Variants in COL12A1 observed in about 807,000 individuals in gnomAD.
COL12A1 encodes the protein collagen alpha-1(XII) chain.
A neutral mutation model predicts 349.7 loss-of-function variants in COL12A1; 114 were observed. The observed-to-expected ratio is 0.33, with a 90% confidence interval of 0.28 to 0.38. The LOEUF is 0.38. Ranked by LOEUF, COL12A1 falls within the 10% of genes least tolerant of loss-of-function variation. The pLI is 1.00. For missense variants in COL12A1, 3,284 were observed against 3,756.9 expected (o/e 0.87, Z 3.29); for synonymous variants, 1,369 against 1,329.0 (o/e 1.03, Z -0.66).
intron 13 of COL12A1, among the ~76,000 whole-genome samples, chr6:75,174,815 A>G (rs1379396972): frequency 1.3e-5 from 2 of 152,170 alleles, no homozygotes; most frequent in African/African-American, 4.8e-5. Flanking sequence ...TTATGCATCC[A>G]GCTCCCCAAG....
At chr6:75,203,658 T>C (rs1488501283) in intron 1 of COL12A1, among the ~76,000 whole-genome samples, 2 of 152,258 alleles carry the variant, frequency 1.3e-5, no homozygotes, top group African/African-American at 2.4e-5. Flanking sequence ...AATTACATTA[T>C]GAATTCCTTA....
chr6:75,105,968 T>C (rs1472547560), intron 53 of COL12A1, among the ~76,000 whole-genome samples: 3 of 152,118 alleles, frequency 2.0e-5, no homozygotes, highest in Non-Finnish European at 2.9e-5. Flanking sequence ...AAGCTTCAAA[T>C]CCATCACCAA....
Position 75,146,325 on chromosome 6 carries a change from T to C in COL12A1, c.4418-81A>G, listed in dbSNP as rs1582129527. 3.5e-6 allele frequency: 5 copies of C among 1,417,544 alleles called. No homozygotes were observed. In the Admixed American group the frequency reaches 1.3e-4, roughly 38 times the overall value. 87.8% of individuals were successfully genotyped at this position (1,417,544 alleles called of 1,614,324 possible). A position where few individuals can be genotyped will look rare whatever the true frequency, so the allele number is the denominator to read the frequency against. ...TAACCATTGTTTTGTACTCAATTAT[T>C]GATATTTGTATATACTAGACAGTGG... On this transcript the variant is annotated intron_variant, in intron 23 of 65. Coordinates refer to ENST00000322507, the MANE Select transcript of COL12A1 (RefSeq NM_004370.6).
chr6:75,162,320 C>T (rs1388289741), intron 14 of COL12A1, among the ~76,000 whole-genome samples: 1 of 152,040 alleles, frequency 6.6e-6, no homozygotes, highest in African/African-American at 2.4e-5. Flanking sequence ...ATAAATAGAC[C>T]AATGGAACAG....
chr6:75,134,106 C>G (rs1766455174), intron 32 of COL12A1, 109 bp from the exon 33 acceptor site: 1 of 1,237,510 alleles, frequency 8.1e-7, no homozygotes, highest in Admixed American at 2.3e-5. Context: ...AGGCACCGCA[C>G]AAACATTTGT....
At position 75,131,999 on chromosome 6, in the gene COL12A1, G is replaced by A. The variant is rs1383693646; in HGVS notation, c.5878C>T (p.Pro1960Ser). ...LDVRWDPAPG[P>S]VLQYRVVYSP... is the part of the protein sequence containing the mutation. The stretch of plus-strand genomic sequence containing the variant: ...TACACAACGCGATATTGCAGCACAG[G>A]TCCTGGAGCAGGGTCCCAGCGAACA... The change falls in exon 35 of 66, where the codon CCT becomes TCT. Residue 1960 changes from proline (P) to serine (S), a missense_variant. Coordinates refer to ENST00000322507, the MANE Select transcript of COL12A1 (RefSeq NM_004370.6). 1.2e-6 allele frequency: 2 copies of A among 1,614,132 alleles called. No homozygotes were observed. The highest frequency in any genetic ancestry group is 1.7e-6 in the Non-Finnish European group (2 of 1,179,992).
chr6:75,113,528 AAAGTT>A lies in COL12A1; in HGVS notation c.7840+69_7840+73del, dbSNP rs1768936381. The stretch of plus-strand genomic sequence containing the variant: ...AAATATATATATAGTCTATATTCAG[AAAGTT>A]TTTTAAAAGAGAAAAGAAAAACATA... On this transcript the variant is annotated intron_variant, in intron 50 of 65. Coordinates refer to ENST00000322507, the MANE Select transcript of COL12A1 (RefSeq NM_004370.6). 4.9e-6 allele frequency: 7 copies of A among 1,422,724 alleles called. No homozygotes were observed. In the African/African-American group the frequency reaches 8.7e-5, roughly 18 times the overall value. 88.1% of individuals were successfully genotyped at this position (1,422,724 alleles called of 1,614,324 possible).
Position 75,181,150 on chromosome 6 carries a change from G to T in COL12A1, c.1953C>A (p.Asn651Lys). ...AAACATTTTCTCCAGCTGGAGACCAGTTGGTTTTGAAACCATAAGAAGTCA... is the reference window on the plus strand; with the variant it reads ...AAACATTTTCTCCAGCTGGAGACCATTTGGTTTTGAAACCATAAGAAGTCA... Reference protein sequence around the residue: ...SEVTSYGFKTNWSPAGENVFS... With the variant: ...SEVTSYGFKTKWSPAGENVFS... Residue 651 changes from asparagine to lysine, a missense_variant, in exon 11 of 66, where the codon AAC (asparagine) becomes AAA (lysine). Asn to Lys is a moderately conservative substitution (Grantham distance 94, BLOSUM62 0). Around this residue, in one of 2 missense-constraint regions of COL12A1, gnomAD observed 2,601 missense variants for 2,824.8 expected, o/e 0.92. Transcript: ENST00000322507. 6.2e-7 allele frequency: 1 copy of T among 1,612,776 alleles called. No homozygotes were observed. The highest frequency in any genetic ancestry group is 8.5e-7 in the Non-Finnish European group (1 of 1,179,808).
chr6:75,102,769 C>A lies in COL12A1; in HGVS notation c.8320-77G>T. 3.8e-6 allele frequency: 3 copies of A among 780,874 alleles called. No homozygotes were observed. In the South Asian group the frequency reaches 1.2e-4, roughly 30 times the overall value. 48.4% of individuals were successfully genotyped at this position (780,874 alleles called of 1,614,324 possible). A position where few individuals can be genotyped will look rare whatever the true frequency, so the allele number is the denominator to read the frequency against. ...TGCTGACATTTAGTCAGACACTTGT[C>A]ATCATAACTCTAAGACATCAATCAT... On this transcript the variant is annotated intron_variant, in intron 55 of 65. Coordinates refer to ENST00000322507, the MANE Select transcript of COL12A1 (RefSeq NM_004370.6).
intron 60 of COL12A1, among the ~76,000 whole-genome samples, chr6:75,094,761 T>C (rs1046664828): frequency 1.3e-5 from 2 of 152,164 alleles, no homozygotes; most frequent in Non-Finnish European, 2.9e-5. Flanking sequence ...ACCATCGTCA[T>C]GTATTTTTCC....
intron 13 of COL12A1, among the ~76,000 whole-genome samples, chr6:75,171,878 A>G (rs1349361191): frequency 6.6e-6 from 1 of 152,226 alleles, no homozygotes; most frequent in Admixed American, 6.5e-5. Context: ...ACATAATGCA[A>G]TGGGATAAAT....
At chr6:75,200,399 C>G (rs1388572808) in intron 2 of COL12A1, among the ~76,000 whole-genome samples, 1 of 152,022 alleles carries the variant, frequency 6.6e-6, no homozygotes, top group Non-Finnish European at 1.5e-5. Flanking sequence ...ATGGTGAAAC[C>G]CCGTCTCTAC....
chr6:75,191,308 C>T (rs989698281), intron 5 of COL12A1, among the ~76,000 whole-genome samples: 3 of 151,970 alleles, frequency 2.0e-5, no homozygotes, highest in African/African-American at 7.2e-5. Flanking sequence ...GAGGGCATCC[C>T]TCTCATGTTC....
chr6:75,174,728 C>T (rs1271842120), intron 13 of COL12A1, among the ~76,000 whole-genome samples: 1 of 152,162 alleles, frequency 6.6e-6, no homozygotes, highest in Admixed American at 6.5e-5. Flanking sequence ...CCCAAGGTCC[C>T]TTCTCGCTCT....
chr6:75,189,956 C>A, intron 5 of COL12A1, 141 bp from the exon 6 acceptor site: 2 of 872,188 alleles, frequency 2.3e-6, no homozygotes, highest in Non-Finnish European at 3.4e-6. Context: ...CCCACATGCA[C>A]AAAGAAATAT....
At chr6:75,097,560 T>C (rs546481382) in intron 58 of COL12A1, among the ~76,000 whole-genome samples, 1 of 152,350 alleles carries the variant, frequency 6.6e-6, no homozygotes, top group East Asian at 1.9e-4. Context: ...TAGTTATAAA[T>C]AAAACAATTT....
Position 75,183,660 on chromosome 6 carries a change from G to A in COL12A1, c.1289-8C>T, listed in dbSNP as rs1168892426. ...CCACACCACGTGAGCATTCTGTAAA[G>A]AGAAAAAAAGTACATTAAACTTCAA... On this transcript the variant is annotated splice_polypyrimidine_tract_variant and splice_region_variant and intron_variant, in intron 9 of 65. Transcript: ENST00000322507. 1.9e-6 allele frequency: 3 copies of A among 1,581,354 alleles called. No individual in the cohort carries two copies. Among genetic ancestry groups the A allele is most frequent in the Admixed American group, 2.0e-5 (1 of 51,094 alleles).
intron 43 of COL12A1, among the ~76,000 whole-genome samples, chr6:75,122,283 TAGA>T (rs1554171280): frequency 6.6e-6 from 1 of 152,072 alleles, no homozygotes; most frequent in Non-Finnish European, 1.5e-5. Flanking sequence ...ACTTAGCATA[TAGA>T]AGTATAACAC....
chr6:75,108,208 T>C (rs1768662402), intron 52 of COL12A1, among the ~76,000 whole-genome samples: 1 of 151,920 alleles, frequency 6.6e-6, no homozygotes, highest in Admixed American at 6.6e-5. Flanking sequence ...GCCTCCCAAG[T>C]TGCTAGGAAT....
Sources: gnomAD v4.1 joint callset for allele counts (sites outside exome capture counted in the v4.1 genomes callset) on GRCh38, gnomAD v4.1.1 for gene constraint, gnomAD v4.1.1 regional missense constraint, MANE v1.5 for transcripts, NCBI Gene and HGNC (gene_info 2026-07-23, HGNC 2026-07-21) for gene names.